FAAH2: variants seen among roughly 807,000 people sequenced by gnomAD.
The protein encoded by FAAH2 is fatty-acid amide hydrolase 2.
A neutral mutation model predicts 36.9 loss-of-function variants in FAAH2; 60 were observed. That is an observed-to-expected ratio of 1.63 (90% CI 1.32 to 2.02). The LOEUF (loss-of-function observed/expected upper bound fraction) is 2.02, where lower values mean the gene tolerates loss of function less well. FAAH2 is among the 30% of genes most tolerant of loss of function. The pLI, the probability that FAAH2 is intolerant of heterozygous loss-of-function variation, is 0.00. For synonymous variants in FAAH2, 214 were observed against 143.8 expected (o/e 1.49, Z -3.49); for missense variants, 689 against 397.5 (o/e 1.73, Z -6.23).
At chrX:57,124,686 G>A in the FAAH2 span, among the ~76,000 whole-genome samples, 5 of 111,612 alleles carry the variant, frequency 4.5e-5, no homozygotes, top group African/African-American at 9.8e-5. Flanking sequence ...TCCTTGTGCA[G>A]TGGTTTGTAG....
At chrX:57,154,374 T>C in the FAAH2 span, among the ~76,000 whole-genome samples, 2 of 107,274 alleles carry the variant, frequency 1.9e-5, no homozygotes, top group Non-Finnish European at 3.8e-5. Context: ...AGCAATTCTC[T>C]TGCCTCAGCC....
At chrX:57,210,476 G>T in the FAAH2 span, among the ~76,000 whole-genome samples, 1 of 111,868 alleles carries the variant, frequency 8.9e-6, no homozygotes, top group Non-Finnish European at 1.9e-5. Context: ...ACAATGCAAT[G>T]CAATATATAA....
chrX:57,406,524 A>C (rs2055571528), intron 7 of FAAH2, among the ~76,000 whole-genome samples: 1 of 112,226 alleles, frequency 8.9e-6, no homozygotes, highest in African/African-American at 3.2e-5. Context: ...AGGGGGCTGC[A>C]CCAGCAACTT....
the FAAH2 span, among the ~76,000 whole-genome samples, chrX:57,152,327 T>C: frequency 8.9e-6 from 1 of 112,311 alleles, no homozygotes. Context: ...TCTGCAGAGG[T>C]TACTGCTGTA....
chrX:57,134,746 C>T, the FAAH2 span: 2 of 111,771 alleles, frequency 1.8e-5, no homozygotes, highest in African/African-American at 3.3e-5. Flanking sequence ...GCTTATCTAG[C>T]GCAGGACAAA....
the FAAH2 span, among the ~76,000 whole-genome samples, chrX:57,146,991 A>G: frequency 1.8e-5 from 2 of 111,077 alleles, no homozygotes; most frequent in South Asian, 7.6e-4. Flanking sequence ...GGATTTTTGT[A>G]TCTATATTAG....
chrX:57,462,471 G>T (rs758934627), intron 10 of FAAH2, among the ~76,000 whole-genome samples: 1 of 111,558 alleles, frequency 9.0e-6, no homozygotes, highest in Non-Finnish European at 1.9e-5. Flanking sequence ...CGATGAAGTC[G>T]GTTTCATAAC....
At position 57,336,560 on chromosome X, in the gene FAAH2, A is replaced by G. The variant is rs778189774; in HGVS notation, c.623-4711A>G. On this transcript the variant is annotated intron_variant, in intron 4 of 10. Coordinates refer to ENST00000374900, the MANE Select transcript of FAAH2 (RefSeq NM_174912.4). ...CCCCACATTACAGCACAATCAAATT[A>G]GAACTCAAGATTAAGAAAGTCATCC... Among the ~76,000 whole-genome samples the G allele has an allele frequency of 1.1e-4, 12 of 112,050 alleles. No individual in the cohort carries two copies. In the South Asian group the frequency reaches 4.5e-3, roughly 42 times the overall value.
At chrX:57,438,023 A>G (rs1470800336) in intron 8 of FAAH2, among the ~76,000 whole-genome samples, 1 of 104,349 alleles carries the variant, frequency 9.6e-6, no homozygotes, top group African/African-American at 3.4e-5. Context: ...ACATATGTAC[A>G]TATATACATA....
chrX:57,468,028 G>C (rs1346894709), intron 10 of FAAH2, among the ~76,000 whole-genome samples: 7 of 112,067 alleles, frequency 6.2e-5, no homozygotes, highest in Admixed American at 4.7e-4. Context: ...CAATCCTGCA[G>C]CTGATGGTCT....
chrX:57,161,555 G>A, the FAAH2 span, among the ~76,000 whole-genome samples: 1 of 111,741 alleles, frequency 8.9e-6, no homozygotes, highest in Non-Finnish European at 1.9e-5. Flanking sequence ...TGTATTGGGT[G>A]CATATGTATT....
chrX:57,287,635 G>A (rs960875778), intron 1 of FAAH2, among the ~76,000 whole-genome samples: 5 of 111,568 alleles, frequency 4.5e-5, no homozygotes, highest in African/African-American at 1.6e-4. Context: ...AAAAATTGTT[G>A]AAAGTTCTAA....
the FAAH2 span, among the ~76,000 whole-genome samples, chrX:57,208,199 C>A: frequency 8.9e-6 from 1 of 112,398 alleles, no homozygotes; most frequent in Non-Finnish European, 1.9e-5. Context: ...GGTCAGGCCA[C>A]TCTTTTTCTT....
At chrX:57,193,588 G>A in the FAAH2 span, among the ~76,000 whole-genome samples, 12 of 111,179 alleles carry the variant, frequency 1.1e-4, no homozygotes, top group African/African-American at 3.6e-4. Flanking sequence ...GGAACCTACC[G>A]ACATATTATG....
At chrX:57,257,493 T>A in the FAAH2 span, among the ~76,000 whole-genome samples, 3 of 109,151 alleles carry the variant, frequency 2.7e-5, no homozygotes, top group Non-Finnish European at 5.7e-5. Flanking sequence ...AGTTGAACAA[T>A]GAGAACACAT....
the FAAH2 span, among the ~76,000 whole-genome samples, chrX:57,170,439 A>AT: frequency 2.7e-5 from 3 of 110,942 alleles, no homozygotes; most frequent in Non-Finnish European, 3.8e-5. Flanking sequence ...GACTATTTTA[A>AT]TTTTTTTATT....
intron 5 of FAAH2, among the ~76,000 whole-genome samples, chrX:57,360,577 G>T (rs2054263263): frequency 9.0e-6 from 1 of 110,753 alleles, no homozygotes; most frequent in Admixed American, 9.7e-5. Context: ...TTCTCTTTTA[G>T]TTATTGAGCA....
At chrX:57,240,524 G>A in the FAAH2 span, among the ~76,000 whole-genome samples, 3 of 111,515 alleles carry the variant, frequency 2.7e-5, no homozygotes, top group South Asian at 3.7e-4. Context: ...CAGCAGGATC[G>A]GTGTGCAAGT....
the FAAH2 span, among the ~76,000 whole-genome samples, chrX:57,211,696 C>T: frequency 8.9e-6 from 1 of 111,857 alleles, no homozygotes; most frequent in African/African-American, 3.3e-5. Flanking sequence ...TGCATGACCA[C>T]TACAGCCACC....
Sources: allele counts gnomAD v4.1 joint callset (sites outside exome capture counted in the v4.1 genomes callset), GRCh38; gene constraint gnomAD v4.1.1; transcripts MANE v1.5; gene names NCBI Gene and HGNC (gene_info 2026-07-23, HGNC 2026-07-21).